The following ITGB3BP variants were observed in gnomAD, a reference collection of about 807,000 sequenced individuals.
ITGB3BP encodes the protein centromere protein R.
ITGB3BP carries 27 observed loss-of-function variants against 29.1 expected under a neutral mutation model. That is an observed-to-expected ratio of 0.93 (90% confidence interval 0.68 to 1.28). The LOEUF (loss-of-function observed/expected upper bound fraction) is 1.28. ITGB3BP is among the 50% of genes most tolerant of loss of function. The pLI, the probability that ITGB3BP is intolerant of heterozygous loss-of-function variation, is 0.00. For synonymous variants in ITGB3BP, 61 were observed against 61.4 expected (o/e 0.99, Z 0.03); for missense variants, 192 against 200.2 (o/e 0.96, Z 0.25).
chr1:63,492,857 C>T (rs1050561043), intron 2 of ITGB3BP, among the ~76,000 whole-genome samples: 7 of 152,280 alleles, frequency 4.6e-5, no homozygotes, highest in African/African-American at 1.7e-4. Context: ...GCCTGTTATC[C>T]CAGCACTTTG....
chr1:63,493,300 A>T (rs1369266764), intron 2 of ITGB3BP, among the ~76,000 whole-genome samples: 1 of 152,030 alleles, frequency 6.6e-6, no homozygotes, highest in Non-Finnish European at 1.5e-5. Flanking sequence ...CTGTTGTCCT[A>T]GCTACTCAGG....
rs115168553 is a variant in ITGB3BP at position 63,484,390 on chromosome 1, C to T, written c.185-5557G>A. 4.4e-3 allele frequency among the ~76,000 whole-genome samples: 667 copies of T among 152,092 alleles called. 4 individuals are homozygous for T. The highest frequency in any genetic ancestry group is 0.015 in the African/African-American group (613 of 41,504). ...AGGGACGACTGTATAAAGCTTCCAC[C>T]AAGAACTGCTTTAGTATAATGTAGG... is the stretch of plus-strand genomic sequence containing the variant. On this transcript the variant is annotated intron_variant, in intron 3 of 8. Coordinates refer to ENST00000271002, the MANE Select transcript of ITGB3BP (RefSeq NM_014288.5).
intron 2 of ITGB3BP, among the ~76,000 whole-genome samples, chr1:63,496,094 ATT>A (rs760733420): frequency 4.3e-5 from 6 of 140,546 alleles, no homozygotes; most frequent in Admixed American, 7.1e-5. Context: ...GGCCACTACA[ATT>A]TTTTTTTTTT....
At chr1:63,485,501 ATTGT>A (rs1645510947) in intron 3 of ITGB3BP, among the ~76,000 whole-genome samples, 1 of 150,854 alleles carries the variant, frequency 6.6e-6, no homozygotes, top group Non-Finnish European at 1.5e-5. Context: ...CCGCCCTCCA[ATTGT>A]TTGACTTTTG....
intron 1 of ITGB3BP, among the ~76,000 whole-genome samples, chr1:63,513,664 A>G (rs1646249974): frequency 6.6e-6 from 1 of 152,112 alleles, no homozygotes; most frequent in Non-Finnish European, 1.5e-5. Flanking sequence ...TCTATCTTTA[A>G]TATGTATATT....
rs374410697 is a variant in ITGB3BP, at chr1:63,473,204, G to A, written c.254+5560C>T. Among the ~76,000 whole-genome samples, 12 of 150,526 alleles carry A rather than the reference G, an allele frequency of 8.0e-5. No homozygotes were observed. In the East Asian group the frequency reaches 1.0e-3, roughly 13 times the overall value. ...AGGTGAGGAGCGTCTCTGCCCGGCC[G>A]CCCCGTCTGAGAAGTGAGGAAACCC... On this transcript the variant is annotated intron_variant, in intron 4 of 8. Transcript: ENST00000271002.
At position 63,519,047 on chromosome 1, in the gene ITGB3BP, A is replaced by G. The variant is rs189932138; in HGVS notation, c.5+4082T>C. On this transcript the variant is annotated intron_variant, in intron 1 of 8. Transcript: ENST00000271002. ...GGTATCATATATATTATGTCTACAT[A>G]TAACCCCATAATAGTGTTTAATTTT... Among the ~76,000 whole-genome samples the G allele has an allele frequency of 4.7e-4, 71 of 152,276 alleles. 1 individual carries two copies. Among genetic ancestry groups the G allele is most frequent in the African/African-American group, 1.6e-3 (67 of 41,584 alleles).
chr1:63,455,896 G>A (rs1481618485), intron 4 of ITGB3BP, among the ~76,000 whole-genome samples: 1 of 18,580 alleles, frequency 5.4e-5, no homozygotes, highest in African/African-American at 5.8e-5. Flanking sequence ...TCATGTTTAA[G>A]TATTTTAAAT....
chr1:63,455,833 T>A (rs1227080493), intron 4 of ITGB3BP, among the ~76,000 whole-genome samples: 1 of 152,172 alleles, frequency 6.6e-6, no homozygotes, highest in African/African-American at 2.4e-5. Context: ...TAATTTAAAA[T>A]TTTTAGTAGC....
intron 4 of ITGB3BP, among the ~76,000 whole-genome samples, chr1:63,461,801 C>A (rs1645022704): frequency 1.3e-5 from 2 of 152,156 alleles, no homozygotes; most frequent in Non-Finnish European, 2.9e-5. Flanking sequence ...GTTTTGGACC[C>A]CCAATTCTAT....
chr1:63,447,514 T>G (rs1644803780), intron 7 of ITGB3BP: 1 of 457,500 alleles, frequency 2.2e-6, no homozygotes, highest in African/African-American at 2.0e-5. Context: ...ACATTTAAAA[T>G]ATTCAGACAA....
chr1:63,526,822 T>C (rs1489218380), upstream of ITGB3BP, among the ~76,000 whole-genome samples: 1 of 152,174 alleles, frequency 6.6e-6, no homozygotes, highest in East Asian at 1.9e-4. Context: ...TGGAGTGCAG[T>C]GGCGCGATCT....
At chr1:63,520,487 T>C (rs1646422148) in intron 1 of ITGB3BP, among the ~76,000 whole-genome samples, 1 of 152,114 alleles carries the variant, frequency 6.6e-6, no homozygotes, top group African/African-American at 2.4e-5. Context: ...ACAGCAGCAT[T>C]TATCTAATTC....
At chr1:63,460,056 TCATTA>T (rs1644992690) in intron 4 of ITGB3BP, among the ~76,000 whole-genome samples, 1 of 152,194 alleles carries the variant, frequency 6.6e-6, no homozygotes, top group African/African-American at 2.4e-5. Flanking sequence ...TCTATTTATT[TCATTA>T]CATTTTTACA....
intron 2 of ITGB3BP, among the ~76,000 whole-genome samples, chr1:63,505,076 A>G (rs540947472): frequency 4.6e-5 from 7 of 152,222 alleles, no homozygotes; most frequent in Non-Finnish European, 1.0e-4. Context: ...GAATAGTTTC[A>G]GAAGGAATGG....
intron 2 of ITGB3BP, among the ~76,000 whole-genome samples, chr1:63,494,261 G>A (rs1645733587): frequency 6.6e-6 from 1 of 151,974 alleles, no homozygotes; most frequent in Admixed American, 6.6e-5. Flanking sequence ...TGGGATTACA[G>A]GCACCCACCA....
At chr1:63,489,483 A>G (rs1194927061) in intron 3 of ITGB3BP, among the ~76,000 whole-genome samples, 1 of 151,514 alleles carries the variant, frequency 6.6e-6, no homozygotes, top group Non-Finnish European at 1.5e-5. Context: ...CCAGAGGACA[A>G]CAAATATGTA....
intron 3 of ITGB3BP, among the ~76,000 whole-genome samples, chr1:63,479,427 C>G (rs1030665742): frequency 6.6e-6 from 1 of 152,030 alleles, no homozygotes; most frequent in Non-Finnish European, 1.5e-5. Flanking sequence ...ATATCTATTA[C>G]CTTACATGCT....
intron 4 of ITGB3BP, among the ~76,000 whole-genome samples, chr1:63,460,374 T>C (rs1248007627): frequency 1.3e-5 from 2 of 152,230 alleles, no homozygotes; most frequent in East Asian, 1.9e-4. Context: ...ATTCTAGACA[T>C]TGCATACAAC....
Sources: gnomAD v4.1 joint callset for allele counts (sites outside exome capture counted in the v4.1 genomes callset) on GRCh38, gnomAD v4.1.1 for gene constraint, MANE v1.5 for transcripts, NCBI Gene and HGNC (gene_info 2026-07-23, HGNC 2026-07-21) for gene names.